CPED1: variants seen among roughly 807,000 people sequenced by gnomAD.
The protein encoded by CPED1 is cadherin-like and PC-esterase domain-containing protein 1.
In CPED1, 114 loss-of-function variants were observed where a neutral mutation model predicts 128.2. The ratio of observed to expected loss-of-function variants is 0.89; its 90% CI spans 0.76 to 1.04. The LOEUF is 1.04. CPED1 is among the 50% of genes least tolerant of loss of function. The pLI, the probability that CPED1 is intolerant of heterozygous loss-of-function variation, is 0.00. For synonymous variants in CPED1, 462 were observed against 426.7 expected (o/e 1.08, Z -1.02); for missense variants, 1,211 against 1,207.1 (o/e 1.00, Z -0.05).
chr7:121,108,494 C>G (rs1044922813), intron 7 of CPED1, among the ~76,000 whole-genome samples: 3 of 151,998 alleles, frequency 2.0e-5, no homozygotes, highest in African/African-American at 7.2e-5. Context: ...AAATTCATAT[C>G]ATAAAATATA....
chr7:121,111,718 A>C (rs1411332189), intron 7 of CPED1, among the ~76,000 whole-genome samples: 1 of 152,204 alleles, frequency 6.6e-6, no homozygotes, highest in African/African-American at 2.4e-5. Context: ...AATAAAAAAG[A>C]AAAAACACAT....
intron 4 of CPED1, among the ~76,000 whole-genome samples, chr7:121,059,957 A>G (rs1030849922): frequency 3.3e-5 from 5 of 152,162 alleles, no homozygotes; most frequent in Non-Finnish European, 7.4e-5. Flanking sequence ...CTCAGCTTGC[A>G]GGGAGGTGTG....
chr7:121,256,690 C>G (rs1295683893), intron 18 of CPED1, among the ~76,000 whole-genome samples: 1 of 151,944 alleles, frequency 6.6e-6, no homozygotes, highest in East Asian at 1.9e-4. Context: ...CCCAGCAAAC[C>G]CATTACTGGG....
chr7:121,112,735 T>TG (rs1795144632), intron 7 of CPED1, among the ~76,000 whole-genome samples: 1 of 152,082 alleles, frequency 6.6e-6, no homozygotes, highest in African/African-American at 2.4e-5. Flanking sequence ...ATTAAAGGGG[T>TG]GAAAAAATAG....
intron 7 of CPED1, among the ~76,000 whole-genome samples, chr7:121,117,935 AAAG>A (rs1484013194): frequency 2.0e-5 from 3 of 152,132 alleles, no homozygotes; most frequent in African/African-American, 7.2e-5. Flanking sequence ...AAAAAAAAAA[AAAG>A]AGAAAATTTA....
intron 16 of CPED1, among the ~76,000 whole-genome samples, chr7:121,199,691 A>AGAAAG (rs1430066799): frequency 7.1e-6 from 1 of 140,330 alleles, no homozygotes; most frequent in African/African-American, 2.6e-5. Flanking sequence ...AAAAAAAAAA[A>AGAAAG]AAAAAAAAAG....
intron 5 of CPED1, among the ~76,000 whole-genome samples, chr7:121,082,010 T>C (rs772511494): frequency 2.0e-5 from 3 of 152,142 alleles, no homozygotes; most frequent in Non-Finnish European, 4.4e-5. Context: ...GTATGTATGT[T>C]TTGATATGAA....
chr7:121,022,455 T>A (rs1792467662), intron 3 of CPED1, among the ~76,000 whole-genome samples: 2 of 151,996 alleles, frequency 1.3e-5, no homozygotes, highest in African/African-American at 4.8e-5. Flanking sequence ...CTTTCAAGGC[T>A]CTCCTGTTAC....
chr7:121,065,657 T>C (rs193218252), intron 5 of CPED1, among the ~76,000 whole-genome samples: 1 of 152,270 alleles, frequency 6.6e-6, no homozygotes, highest in Admixed American at 6.5e-5. Context: ...TACCAGTGTT[T>C]TAAAAAGTTC....
At chr7:121,185,768 A>G (rs1366721008) in intron 16 of CPED1, among the ~76,000 whole-genome samples, 1 of 152,200 alleles carries the variant, frequency 6.6e-6, no homozygotes, top group Non-Finnish European at 1.5e-5. Flanking sequence ...TACTGCAGAT[A>G]TGAGTCCAGT....
At chr7:121,220,384 TTA>T (rs1797849585) in intron 16 of CPED1, among the ~76,000 whole-genome samples, 1 of 152,032 alleles carries the variant, frequency 6.6e-6, no homozygotes, top group Non-Finnish European at 1.5e-5. Flanking sequence ...TAACTCACTC[TTA>T]TGTTTCCTTG....
At chr7:121,274,135 T>G (rs1432283128) in intron 22 of CPED1, among the ~76,000 whole-genome samples, 1 of 152,150 alleles carries the variant, frequency 6.6e-6, no homozygotes, top group Non-Finnish European at 1.5e-5. Context: ...AAAAGCAAAA[T>G]GTCCTCGAAT....
At chr7:121,201,994 A>C (rs1206997327) in intron 16 of CPED1, among the ~76,000 whole-genome samples, 2 of 152,164 alleles carry the variant, frequency 1.3e-5, no homozygotes, top group Non-Finnish European at 2.9e-5. Context: ...TTAATCCTGC[A>C]GCCATAATTG....
At chr7:121,276,985 G>A (rs1258283506) in intron 22 of CPED1, among the ~76,000 whole-genome samples, 5 of 152,036 alleles carry the variant, frequency 3.3e-5, no homozygotes, top group Admixed American at 3.3e-4. Flanking sequence ...ATTTGAAGAA[G>A]AACAAGTTAG....
rs1796280111 is a variant in CPED1 at position 120,989,773 on chromosome 7, A to G, written c.152A>G (p.His51Arg). The G allele has an allele frequency of 1.2e-6, 2 of 1,613,794 alleles. No individual in the cohort carries two copies. Among genetic ancestry groups the G allele is most frequent in the Admixed American group, 1.7e-5 (1 of 59,968 alleles). ...GCCGCTGCCCCTGGGGCTGTCCCACACACATCCACTGAAACCCAGGCAAGC... is the reference window on the plus strand; with the variant it reads ...GCCGCTGCCCCTGGGGCTGTCCCACGCACATCCACTGAAACCCAGGCAAGC... The part of the protein sequence containing the change: ...LTAAAPGAVP[H>R]TSTETQASRC... The change falls in exon 2 of 23, where the codon CAC (histidine) becomes CGC (arginine). Residue 51 changes from histidine (H) to arginine (R), a missense_variant. Coordinates refer to ENST00000310396, the MANE Select transcript of CPED1 (RefSeq NM_024913.5).
chr7:121,260,098 T>A (rs1184352828), intron 18 of CPED1, among the ~76,000 whole-genome samples: 1 of 151,650 alleles, frequency 6.6e-6, no homozygotes, highest in African/African-American at 2.4e-5. Flanking sequence ...TTACACATGA[T>A]GCCCTCCTTC....
At chr7:121,157,246 C>T (rs774740298) in intron 16 of CPED1, among the ~76,000 whole-genome samples, 20 of 151,980 alleles carry the variant, frequency 1.3e-4, no homozygotes, top group Non-Finnish European at 2.5e-4. Flanking sequence ...ATTTCTAGTG[C>T]GTGTATAGAA....
chr7:121,248,420 G>A (rs1798588935), intron 18 of CPED1, among the ~76,000 whole-genome samples: 1 of 152,200 alleles, frequency 6.6e-6, no homozygotes, highest in South Asian at 2.1e-4. Flanking sequence ...ATGAGAGGAG[G>A]TGACCTCTCT....
intron 3 of CPED1, among the ~76,000 whole-genome samples, chr7:121,037,809 C>A (rs1163823863): frequency 1.3e-5 from 2 of 152,122 alleles, no homozygotes; most frequent in Non-Finnish European, 2.9e-5. Context: ...TCTATGATTT[C>A]TTTCAGCAGT....
Sources: gnomAD v4.1 joint callset for allele counts (sites outside exome capture counted in the v4.1 genomes callset) on GRCh38, gnomAD v4.1.1 for gene constraint, MANE v1.5 for transcripts, NCBI Gene and HGNC (gene_info 2026-07-23, HGNC 2026-07-21) for gene names.